Variants in COL4A4 observed in about 807,000 individuals in gnomAD.
COL4A4 encodes collagen alpha-4(IV) chain.
In COL4A4, 105 loss-of-function variants were observed where a neutral mutation model predicts 192.9. The ratio of observed to expected loss-of-function variants is 0.54; its 90% CI spans 0.46 to 0.64. COL4A4 has a LOEUF of 0.64. Among genes scored for constraint, COL4A4 ranks in the 30% least tolerant of loss-of-function variants. The pLI is 0.00. For missense variants in COL4A4, 1,967 were observed against 2,169.3 expected, an observed-to-expected ratio of 0.91 and a Z score of 1.85; for synonymous variants, 762 against 769.9, an observed-to-expected ratio of 0.99 and a Z score of 0.17.
chr2:227,078,607 C>G (rs2059161343), intron 24 of COL4A4, among the ~76,000 whole-genome samples: 1 of 152,188 alleles, frequency 6.6e-6, no homozygotes, highest in African/African-American at 2.4e-5. Context: ...ATACTGGAAA[C>G]AATGTGTGTG....
At chr2:227,045,274 G>A (rs572096274) in intron 35 of COL4A4, among the ~76,000 whole-genome samples, 16 of 152,080 alleles carry the variant, frequency 1.1e-4, no homozygotes, top group Non-Finnish European at 1.8e-4. Flanking sequence ...GTTTACAGGT[G>A]AGGCAACTAC....
intron 46 of COL4A4, among the ~76,000 whole-genome samples, chr2:227,009,874 G>A (rs1963240073): frequency 1.3e-5 from 2 of 152,154 alleles, no homozygotes. Flanking sequence ...AGTAGGGTAG[G>A]GAGTTGATGC....
intron 17 of COL4A4, among the ~76,000 whole-genome samples, chr2:227,100,135 G>A (rs548356985): frequency 1.3e-5 from 2 of 152,266 alleles, no homozygotes; most frequent in South Asian, 4.1e-4. Flanking sequence ...GGCTTTAAGG[G>A]AACACAATTC....
chr2:227,143,020 GCACA>G (rs148292024), intron 3 of COL4A4, among the ~76,000 whole-genome samples: 1 of 150,722 alleles, frequency 6.6e-6, no homozygotes, highest in Non-Finnish European at 1.5e-5. Flanking sequence ...ACACACACAC[GCACA>G]CACAGAGGCA....
chr2:227,022,280 T>C (rs1559430568), intron 43 of COL4A4, 107 bp from the exon 44 acceptor site: 2 of 1,284,552 alleles, frequency 1.6e-6, no homozygotes, highest in East Asian at 4.6e-5. Context: ...TGAAATTTAG[T>C]ACAAATTCAG....
chr2:227,041,221 G>T (rs183994669), intron 37 of COL4A4, among the ~76,000 whole-genome samples: 171 of 152,210 alleles, frequency 1.1e-3, no homozygotes, highest in African/African-American at 4.0e-3. Context: ...GCAGGAAGCA[G>T]GTCTATTTTC....
chr2:227,041,834 A>AG (rs1971216666), intron 37 of COL4A4, among the ~76,000 whole-genome samples: 2 of 41,862 alleles, frequency 4.8e-5, no homozygotes, highest in African/African-American at 2.6e-4. Flanking sequence ...GAAAGAAAGA[A>AG]AGAAAGAAAG....
intron 21 of COL4A4, 98 bp from the exon 22 acceptor site, chr2:227,088,914 A>G (rs1175739996): frequency 7.2e-7 from 1 of 1,393,404 alleles, no homozygotes; most frequent in East Asian, 2.3e-5. Flanking sequence ...TGAAGAACAA[A>G]GAGTCCGATA....
rs1441168395 is a variant in COL4A4, at chr2:227,150,916, T to TTA, written c.-101-3334_-101-3333dup. On this transcript the variant is annotated intron_variant, in intron 1 of 47. Transcript: ENST00000396625. ...CATATCAGCCCTCCTTTTTTTTTTTTTAACATCTTAAAACTTTCATCTTCT... is the reference window on the plus strand; with the variant it reads ...CATATCAGCCCTCCTTTTTTTTTTTTTATAACATCTTAAAACTTTCATCTTCT... Among the ~76,000 whole-genome samples, 3 of 145,046 alleles carry TTA rather than the reference T, an allele frequency of 2.1e-5. No individual in the cohort carries two copies. The Admixed American group carries it at 2.1e-4, about 10-fold the overall frequency.
At chr2:227,075,807 T>C (rs1260095247) in intron 25 of COL4A4, among the ~76,000 whole-genome samples, 5 of 152,138 alleles carry the variant, frequency 3.3e-5, no homozygotes, top group African/African-American at 4.8e-5. Context: ...ACAAAATCAA[T>C]GTGCAAAATT....
chr2:227,122,717 A>G (rs986744515), intron 4 of COL4A4, among the ~76,000 whole-genome samples: 1 of 152,152 alleles, frequency 6.6e-6, no homozygotes, highest in African/African-American at 2.4e-5. Context: ...GCCCCAGACA[A>G]TCGCATAGCA....
intron 6 of COL4A4, among the ~76,000 whole-genome samples, chr2:227,119,499 G>A (rs371252906): frequency 4.1e-5 from 6 of 147,868 alleles, no homozygotes; most frequent in African/African-American, 7.4e-5. Flanking sequence ...GCTATATATC[G>A]TATATACTAT....
chr2:227,069,883 C>A (rs1245352274), intron 25 of COL4A4, among the ~76,000 whole-genome samples: 2 of 151,566 alleles, frequency 1.3e-5, no homozygotes, highest in Non-Finnish European at 1.5e-5. Flanking sequence ...TCTAATTAAA[C>A]TAAAGAGCTT....
chr2:227,104,638 C>CTTTTTTTT (rs373008018), intron 12 of COL4A4, among the ~76,000 whole-genome samples: 1 of 110,338 alleles, frequency 9.1e-6, no homozygotes, highest in Non-Finnish European at 1.8e-5. Flanking sequence ...TCTATTAAAA[C>CTTTTTTTT]TTTTTTTTTT....
intron 4 of COL4A4, among the ~76,000 whole-genome samples, chr2:227,129,442 C>G (rs2062289166): frequency 6.8e-6 from 1 of 147,930 alleles, no homozygotes; most frequent in Non-Finnish European, 1.5e-5. Context: ...CAGAGTCTCA[C>G]TCTGTCACCC....
chr2:227,127,264 C>T (rs1369183952), intron 4 of COL4A4, among the ~76,000 whole-genome samples: 1 of 152,264 alleles, frequency 6.6e-6, no homozygotes, highest in Non-Finnish European at 1.5e-5. Context: ...ATCAGCTTGA[C>T]AGCTGAGGAG....
At position 227,144,433 on chromosome 2, in the gene COL4A4, G is replaced by T. The variant is rs145246311; in HGVS notation, c.114+83C>A. On this transcript the variant is annotated intron_variant, in intron 3 of 47. Coordinates refer to ENST00000396625, the MANE Select transcript of COL4A4 (RefSeq NM_000092.5). The stretch of plus-strand genomic sequence containing the variant: ...GTAAGAAAATTGAGTCCCAGAGGGT[G>T]ATTTCTTTGAAAGTATAACAAAAAT... The T allele has an allele frequency of 8.1e-4, 967 of 1,193,602 alleles. 5 individuals are homozygous for T. The African/African-American group carries it at 0.012, about 15-fold the overall frequency. 73.9% of individuals were successfully genotyped at this position (1,193,602 alleles called of 1,614,324 possible).
intron 37 of COL4A4, among the ~76,000 whole-genome samples, chr2:227,041,632 C>T (rs1056798464): frequency 3.2e-5 from 4 of 126,406 alleles, no homozygotes; most frequent in African/African-American, 1.2e-4. Flanking sequence ...CAGAGCAAGA[C>T]ACCATCAAAA....
the COL4A4 span, among the ~76,000 whole-genome samples, chr2:226,992,250 G>A: frequency 1.3e-5 from 2 of 152,188 alleles, no homozygotes; most frequent in Non-Finnish European, 2.9e-5. Context: ...CTCCAACGCA[G>A]AGCACACACA....
Sources: gnomAD v4.1 joint callset for allele counts (sites outside exome capture counted in the v4.1 genomes callset) on GRCh38, gnomAD v4.1.1 for gene constraint, MANE v1.5 for transcripts, NCBI Gene and HGNC (gene_info 2026-07-23, HGNC 2026-07-21) for gene names.